The following SDK1 variants were observed in gnomAD, a reference collection of about 807,000 sequenced individuals.
SDK1 encodes the protein protein sidekick-1.
SDK1 carries 157 observed loss-of-function variants against 245.5 expected under a neutral mutation model. The observed-to-expected ratio is 0.64, with a 90% CI of 0.56 to 0.73. SDK1 has a LOEUF of 0.73. SDK1 is among the 30% of genes least tolerant of loss of function. The pLI, the probability that SDK1 is intolerant of heterozygous loss-of-function variation, is 0.00. For synonymous variants in SDK1, 1,647 were observed against 1,278.5 expected (o/e 1.29, Z -6.15); for missense variants, 3,583 against 3,002.3 (o/e 1.19, Z -4.52).
intron 21 of SDK1, among the ~76,000 whole-genome samples, chr7:4,078,829 C>T (rs1400312636): frequency 6.6e-6 from 1 of 152,212 alleles, no homozygotes; most frequent in Non-Finnish European, 1.5e-5. Context: ...CACCTTCCAC[C>T]TTATCCAGTT....
chr7:3,809,200 G>C (rs567648459), intron 4 of SDK1, among the ~76,000 whole-genome samples: 7 of 152,272 alleles, frequency 4.6e-5, no homozygotes, highest in African/African-American at 1.7e-4. Context: ...GCAGGAGCAA[G>C]AGGGAACGAG....
At chr7:3,937,447 T>C (rs1780200233) in intron 5 of SDK1, among the ~76,000 whole-genome samples, 1 of 152,144 alleles carries the variant, frequency 6.6e-6, no homozygotes, top group Non-Finnish European at 1.5e-5. Flanking sequence ...AGAGGCGGGA[T>C]CATCAGGGCA....
intron 4 of SDK1, among the ~76,000 whole-genome samples, chr7:3,696,899 A>G (rs1055854727): frequency 2.0e-5 from 3 of 151,856 alleles, no homozygotes; most frequent in African/African-American, 7.3e-5. Context: ...TATTTACCAT[A>G]GAAGTTCCTT....
chr7:3,848,485 G>C (rs1417888965), intron 5 of SDK1, among the ~76,000 whole-genome samples: 1 of 152,208 alleles, frequency 6.6e-6, no homozygotes, highest in Middle Eastern at 3.4e-3. Context: ...GAGTCAGGCA[G>C]GCTTCTTGAG....
At chr7:3,615,586 A>G (rs925024821) in intron 1 of SDK1, among the ~76,000 whole-genome samples, 5 of 151,708 alleles carry the variant, frequency 3.3e-5, no homozygotes, top group Admixed American at 6.6e-5. Flanking sequence ...TGTATTCTCA[A>G]TGCTGATTAC....
Position 4,048,595 on chromosome 7 carries a change from C to G in SDK1, c.2603-753C>G, listed in dbSNP as rs76482957. 6.9e-3 allele frequency among the ~76,000 whole-genome samples: 1,047 copies of G among 152,120 alleles called. 12 individuals carry two copies. Among genetic ancestry groups the G allele is most frequent in the African/African-American group, 0.024 (981 of 41,514 alleles). Reference sequence around the variant, plus strand: ...TGAGAGTGCCCTTCTCAAGAACTTACCCCTCACAGGCCACCCTTCCTCCCA... The same window carrying G: ...TGAGAGTGCCCTTCTCAAGAACTTAGCCCTCACAGGCCACCCTTCCTCCCA... On this transcript the variant is annotated intron_variant, in intron 17 of 44. Coordinates refer to ENST00000404826, the MANE Select transcript of SDK1 (RefSeq NM_152744.4).
Position 4,175,779 on chromosome 7 carries a change from A to T in SDK1, c.4941A>T (p.Gln1647His). ...PIALHAELTA[Q>H]SSFKTVNSSS... ...CTGCTTTGCTTACCCCAATAGCCCA[A>T]AGCAGCTTCAAGACGGTGAACAGCA... is the stretch of plus-strand genomic sequence containing the variant. Residue 1647 changes from glutamine (Q) to histidine (H), a missense_variant, in exon 34 of 45, where the codon CAA becomes CAT. Transcript: ENST00000404826. 6.2e-7 allele frequency: 1 copy of T among 1,613,992 alleles called. No homozygotes were observed. Among genetic ancestry groups the T allele is most frequent in the Non-Finnish European group, 8.5e-7 (1 of 1,179,976 alleles).
At chr7:4,101,475 G>C (rs989969504) in intron 22 of SDK1, among the ~76,000 whole-genome samples, 1 of 152,150 alleles carries the variant, frequency 6.6e-6, no homozygotes, top group Admixed American at 6.5e-5. Context: ...AAAACTCACC[G>C]ATCTGTCAAA....
intron 4 of SDK1, among the ~76,000 whole-genome samples, chr7:3,659,846 G>A (rs1783299632): frequency 6.6e-6 from 1 of 152,234 alleles, no homozygotes; most frequent in South Asian, 2.1e-4. Flanking sequence ...ATGAATGAAA[G>A]TGTAGGTTAA....
At chr7:3,765,824 T>G (rs1780237858) in intron 4 of SDK1, among the ~76,000 whole-genome samples, 1 of 152,182 alleles carries the variant, frequency 6.6e-6, no homozygotes, top group Non-Finnish European at 1.5e-5. Flanking sequence ...TGGATTCTAT[T>G]TCAGGGGATT....
rs116129773 is a variant in SDK1, at chr7:3,991,002, G to T, written c.2131+3680G>T. Reference sequence around the variant, plus strand: ...GGGCATCTGCTCTGCACTCTGCTGGGTGCTGGGTGCAGAGCTGACGTGATC... The same window carrying T: ...GGGCATCTGCTCTGCACTCTGCTGGTTGCTGGGTGCAGAGCTGACGTGATC... On this transcript the variant is annotated intron_variant, in intron 14 of 44. Transcript: ENST00000404826. Among the ~76,000 whole-genome samples the T allele has an allele frequency of 2.2e-3, 335 of 152,360 alleles. 2 individuals carry two copies. The highest frequency in any genetic ancestry group is 6.8e-3 in the African/African-American group (281 of 41,594).
chr7:3,508,951 CAT>C lies in SDK1; in HGVS notation c.299-110126_299-110125del, dbSNP rs556172636. ...TGTTTTTCTGCTCTTAAAGGATAAA[CAT>C]ATCTGCACTGTTTTAATAGAATGTT... On this transcript the variant is annotated intron_variant, in intron 1 of 44. Coordinates refer to ENST00000404826, the MANE Select transcript of SDK1 (RefSeq NM_152744.4). Among the ~76,000 whole-genome samples the C allele has an allele frequency of 1.3e-3, 195 of 152,282 alleles. 2 individuals carry two copies. The highest frequency in any genetic ancestry group is 4.5e-3 in the African/African-American group (186 of 41,556).
At chr7:4,133,553 C>CT (rs374857490) in intron 28 of SDK1, among the ~76,000 whole-genome samples, 5 of 152,316 alleles carry the variant, frequency 3.3e-5, no homozygotes, top group African/African-American at 1.2e-4. Context: ...TGAGAGGGAT[C>CT]TGGAGATAGG....
chr7:3,565,631 C>A (rs1247881280), intron 1 of SDK1, among the ~76,000 whole-genome samples: 2 of 152,120 alleles, frequency 1.3e-5, no homozygotes, highest in African/African-American at 2.4e-5. Flanking sequence ...GGTTCTGGAA[C>A]CTCCCTCAGA....
At chr7:3,809,322 A>G in intron 4 of SDK1, among the ~76,000 whole-genome samples, 1 of 152,282 alleles carries the variant, frequency 6.6e-6, no homozygotes, top group African/African-American at 2.4e-5. Flanking sequence ...TCCACCCTCA[A>G]GACTCTGATC....
chr7:3,539,836 A>T (rs1779002373), intron 1 of SDK1, among the ~76,000 whole-genome samples: 1 of 152,214 alleles, frequency 6.6e-6, no homozygotes, highest in Non-Finnish European at 1.5e-5. Context: ...CCATTCTAGG[A>T]TGATAAATGA....
chr7:3,843,692 T>C (rs80131303), intron 5 of SDK1, among the ~76,000 whole-genome samples: 8,306 of 152,260 alleles, frequency 0.055, 734 homozygotes, highest in African/African-American at 0.18. Flanking sequence ...AAAGCCTGGG[T>C]CTGTTTCATA....
intron 1 of SDK1, among the ~76,000 whole-genome samples, chr7:3,581,500 A>T (rs1292319627): frequency 6.6e-6 from 1 of 152,140 alleles, no homozygotes; most frequent in Non-Finnish European, 1.5e-5. Context: ...AAAATAACAG[A>T]TGTGGGCCAG....
chr7:3,544,398 T>A (rs1001926517), intron 1 of SDK1, among the ~76,000 whole-genome samples: 1 of 152,332 alleles, frequency 6.6e-6, no homozygotes, highest in African/African-American at 2.4e-5. Flanking sequence ...GCATGGGGCC[T>A]GTAGAGGGCA....
Sources: gnomAD v4.1 joint callset for allele counts (sites outside exome capture counted in the v4.1 genomes callset) on GRCh38, gnomAD v4.1.1 for gene constraint, MANE v1.5 for transcripts, NCBI Gene and HGNC (gene_info 2026-07-23, HGNC 2026-07-21) for gene names.